AMOT: variants seen among roughly 807,000 people sequenced by gnomAD.
The protein encoded by AMOT is angiomotin.
In AMOT, 11 loss-of-function variants were observed where a neutral mutation model predicts 67.0. The ratio of observed to expected loss-of-function variants is 0.16; its 90% CI spans 0.10 to 0.27. The LOEUF (loss-of-function observed/expected upper bound fraction) is 0.27, where lower values mean the gene tolerates loss of function less well. AMOT is among the 10% of genes least tolerant of loss of function. AMOT has a pLI of 1.00. For synonymous variants in AMOT, 326 were observed against 321.4 expected (o/e 1.01, Z -0.15); for missense variants, 753 against 852.0 (o/e 0.88, Z 1.45).
At chrX:112,787,383 T>C (rs1016450515) in intron 10 of AMOT, among the ~76,000 whole-genome samples, 5 of 112,142 alleles carry the variant, frequency 4.5e-5, no homozygotes, top group Non-Finnish European at 9.4e-5. Context: ...GGTTTCAAAA[T>C]CATTGTGTTG....
At chrX:112,819,230 A>G in intron 4 of AMOT, 3 of 364,461 alleles carry the variant, frequency 8.2e-6, no homozygotes, top group Non-Finnish European at 1.1e-5. Flanking sequence ...GCACACACAC[A>G]CTCCACACTC....
chrX:112,831,613 C>T (rs1934990584), intron 2 of AMOT, among the ~76,000 whole-genome samples: 1 of 110,346 alleles, frequency 9.1e-6, no homozygotes, highest in East Asian at 2.8e-4. Flanking sequence ...CCCTGGGCTA[C>T]CTGAAAAAGC....
At chrX:112,803,718 G>T (rs919159386) in intron 8 of AMOT, among the ~76,000 whole-genome samples, 4 of 112,076 alleles carry the variant, frequency 3.6e-5, no homozygotes, top group Non-Finnish European at 7.5e-5. Context: ...AAATCTCCAG[G>T]AACTAGACCT....
chrX:112,817,006 T>C (rs1310351338), intron 4 of AMOT, among the ~76,000 whole-genome samples: 1 of 112,412 alleles, frequency 8.9e-6, no homozygotes, highest in African/African-American at 3.2e-5. Flanking sequence ...TCTGTCAGTG[T>C]GCACTGAAGA....
rs1195858820 is a variant in AMOT at position 112,775,922 on chromosome X, C to A, written c.*2645G>T. 1 of 112,244 alleles carries A rather than the reference C, an allele frequency of 8.9e-6. No homozygotes were observed. Among genetic ancestry groups the A allele is most frequent in the African/African-American group, 3.2e-5 (1 of 30,790 alleles). 9.3% of individuals were successfully genotyped at this position (112,244 alleles called of 1,213,427 possible). A position where few individuals can be genotyped will look rare whatever the true frequency, so the allele number is the denominator to read the frequency against. ...TATCCACACAACTGTGAAAAGGTGG[C>A]TAATTGAGATTTCTCCCATAAACTT... On this transcript the variant is annotated 3_prime_UTR_variant, in exon 14 of 14. Coordinates refer to ENST00000371959, the MANE Select transcript of AMOT (RefSeq NM_001113490.2).
In AMOT at chrX:112,774,961, C is replaced by T. The variant is rs1002950009; in HGVS notation, c.*3606G>A. 3.6e-5 allele frequency: 4 copies of T among 112,191 alleles called. No homozygotes were observed. The highest frequency in any genetic ancestry group is 1.3e-4 in the African/African-American group (4 of 30,886). 9.2% of individuals were successfully genotyped at this position (112,191 alleles called of 1,213,427 possible). ...ACCTGCTTAACTTTATTGGAACTAG[C>T]TCAGTTGATTACAGAATGGGGTCAC... On this transcript the variant is annotated 3_prime_UTR_variant, in exon 14 of 14. Transcript: ENST00000371959.
At chrX:112,791,722 C>G (rs1602765207) in intron 9 of AMOT, 110 bp downstream of exon 9, 1 of 979,978 alleles carries the variant, frequency 1.0e-6, no homozygotes, top group East Asian at 3.1e-5. Flanking sequence ...TAAAAATGAG[C>G]AAGTGTGTGC....
At position 112,776,791 on chromosome X, in the gene AMOT, G is replaced by C. The variant is rs2269960; in HGVS notation, c.*1776C>G. On this transcript the variant is annotated 3_prime_UTR_variant, in exon 14 of 14. Coordinates refer to ENST00000371959, the MANE Select transcript of AMOT (RefSeq NM_001113490.2). ...GAAGGAGAGGCAAGACAGAAATTCA[G>C]TAGTTTGTCAAGACTGGACAAGCTA... The C allele has an allele frequency of 0.1, 11,315 of 111,516 alleles. 494 individuals are homozygous for C. The highest frequency in any genetic ancestry group is 0.2 in the Admixed American group (2,098 of 10,464). The allele number at this position is 111,516 out of a possible 1,213,427, so 9.2% of individuals were successfully genotyped here. A position where few individuals can be genotyped will look rare whatever the true frequency, so the allele number is the denominator to read the frequency against.
Position 112,779,292 on chromosome X carries a change from G to T in AMOT, c.2862C>A (p.Ala954=). Residue 954 remains alanine, a synonymous_variant, in exon 13 of 14, where the codon GCC becomes GCA. Transcript: ENST00000371959. ...AGQIPAAASV[A]SAAAVAPSAA... ...CAGAAGGAGCAACGGCAGCAGCTGA[G>T]GCAACAGAGGCAGCAGCTGGAATCT... 1.5e-6 allele frequency: 1 copy of T among 663,597 alleles called. No homozygotes were observed. Among genetic ancestry groups the T allele is most frequent in the Non-Finnish European group, 2.4e-6 (1 of 411,220 alleles). The allele number at this position is 663,597 out of a possible 1,213,427, so 54.7% of individuals were successfully genotyped here.
At chrX:112,784,031 G>A (rs1246202854) in intron 10 of AMOT, among the ~76,000 whole-genome samples, 1 of 111,704 alleles carries the variant, frequency 9.0e-6, no homozygotes, top group Non-Finnish European at 1.9e-5. Context: ...CAAAATATAC[G>A]TGTACCTTAT....
At chrX:112,787,023 G>A (rs1218618807) in intron 10 of AMOT, among the ~76,000 whole-genome samples, 2 of 111,407 alleles carry the variant, frequency 1.8e-5, no homozygotes, top group African/African-American at 6.5e-5. Context: ...AGGATAAAGG[G>A]CAATGCCAGC....
At chrX:112,831,674 G>C (rs887592854) in intron 2 of AMOT, among the ~76,000 whole-genome samples, 2 of 109,862 alleles carry the variant, frequency 1.8e-5, no homozygotes, top group South Asian at 7.8e-4. Context: ...AGAAGACATG[G>C]AGTGTGATGA....
intron 8 of AMOT, among the ~76,000 whole-genome samples, chrX:112,799,088 G>C (rs1262356251): frequency 8.9e-6 from 1 of 111,914 alleles, no homozygotes; most frequent in Non-Finnish European, 1.9e-5. Flanking sequence ...TAATCATTTA[G>C]CTTCCCATTT....
At chrX:112,791,729 G>A in intron 9 of AMOT, 103 bp downstream of exon 9, 1 of 1,019,100 alleles carries the variant, frequency 9.8e-7, no homozygotes, top group Non-Finnish European at 1.3e-6. Flanking sequence ...GAGCAAGTGT[G>A]TGCTTTCAGT....
intron 1 of AMOT, among the ~76,000 whole-genome samples, chrX:112,838,600 A>G (rs1274211686): frequency 8.9e-6 from 1 of 112,801 alleles, no homozygotes; most frequent in Non-Finnish European, 1.9e-5. Flanking sequence ...AATTAGTCTA[A>G]TAAATCAAAC....
chrX:112,793,810 T>G (rs1192167263), intron 8 of AMOT, among the ~76,000 whole-genome samples: 2 of 112,006 alleles, frequency 1.8e-5, no homozygotes, highest in East Asian at 5.6e-4. Context: ...ATCAAACTCT[T>G]TACCTCAGTA....
intron 5 of AMOT, among the ~76,000 whole-genome samples, chrX:112,812,430 G>A (rs1423927011): frequency 9.0e-6 from 1 of 111,238 alleles, no homozygotes; most frequent in Non-Finnish European, 1.9e-5. Flanking sequence ...ATAGGTTTTT[G>A]AACACAAAAT....
At chrX:112,810,287 GA>G (rs934645643) in intron 6 of AMOT, among the ~76,000 whole-genome samples, 2 of 110,858 alleles carry the variant, frequency 1.8e-5, no homozygotes, top group African/African-American at 6.6e-5. Flanking sequence ...TCATTAACCA[GA>G]AAAAAAAGAG....
intron 2 of AMOT, among the ~76,000 whole-genome samples, chrX:112,825,527 T>C (rs985046682): frequency 1.8e-5 from 2 of 111,436 alleles, no homozygotes; most frequent in African/African-American, 6.5e-5. Context: ...GAATGGTGGA[T>C]GATGACAAAA....
Sources: gnomAD v4.1 joint callset for allele counts (sites outside exome capture counted in the v4.1 genomes callset) on GRCh38, gnomAD v4.1.1 for gene constraint, MANE v1.5 for transcripts, NCBI Gene and HGNC (gene_info 2026-07-23, HGNC 2026-07-21) for gene names.